The following ITSN2 variants were observed in gnomAD, a reference collection of about 807,000 sequenced individuals.
ITSN2 encodes the protein intersectin-2.
A neutral mutation model predicts 243.7 loss-of-function variants in ITSN2; 156 were observed. The ratio of observed to expected loss-of-function variants is 0.64; its 90% CI spans 0.56 to 0.73. The LOEUF (loss-of-function observed/expected upper bound fraction) is 0.73, where lower values mean the gene tolerates loss of function less well. Among genes scored for constraint, ITSN2 ranks in the 30% least tolerant of loss-of-function variants. ITSN2 has a pLI of 0.00. For synonymous variants in ITSN2, 703 were observed against 699.9 expected (o/e 1.00, Z -0.07); for missense variants, 1,801 against 1,996.1 (o/e 0.90, Z 1.86).
intron 1 of ITSN2, among the ~76,000 whole-genome samples, chr2:24,334,314 T>G (rs1160944891): frequency 6.6e-6 from 1 of 152,082 alleles, no homozygotes; most frequent in Admixed American, 6.6e-5. Flanking sequence ...CCGCCTCGGC[T>G]TCCCAAAGTG....
Position 24,203,458 on chromosome 2 carries a change from T to C in ITSN2, c.*168A>G, listed in dbSNP as rs1260593916. 3.1e-6 allele frequency: 2 copies of C among 636,434 alleles called. No individual in the cohort carries two copies. Among genetic ancestry groups the C allele is most frequent in the Admixed American group, 3.0e-5 (1 of 33,788 alleles). The allele number at this position is 636,434 out of a possible 1,614,324, so 39.4% of individuals were successfully genotyped here. A position where few individuals can be genotyped will look rare whatever the true frequency, so the allele number is the denominator to read the frequency against. ...TTGGTTTCTTTATGGGAAAGGTGTT[T>C]GCATAGATTGCTAGCTATTTAGTGT... is the stretch of plus-strand genomic sequence containing the variant. On this transcript the variant is annotated 3_prime_UTR_variant, in exon 40 of 40. Coordinates refer to ENST00000355123, the MANE Select transcript of ITSN2 (RefSeq NM_006277.3).
At chr2:24,296,221 T>C (rs1001814992) in intron 13 of ITSN2, among the ~76,000 whole-genome samples, 2 of 152,244 alleles carry the variant, frequency 1.3e-5, no homozygotes, top group African/African-American at 4.8e-5. Flanking sequence ...TAATTTCCTC[T>C]AATTAAAACA....
Position 24,312,217 on chromosome 2 carries a change from C to G in ITSN2, c.347G>C (p.Arg116Pro). Residue 116 changes from arginine (R) to proline (P), a missense_variant, in exon 5 of 40, where the codon CGT becomes CCT. Arg to Pro is a moderately radical substitution (Grantham distance 103). This residue lies in a region of ITSN2 where 787 missense variants were observed against 803.9 expected (regional missense o/e 0.98). Coordinates refer to ENST00000355123, the MANE Select transcript of ITSN2 (RefSeq NM_006277.3). ...PPMFSPLISA[R>P]FGMGSMPNLS... is the part of the protein sequence containing the mutation. ...TTAAATTAATACATACTTACCAAAA[C>G]GAGCAGAAATTAATGGAGAAAACAT... is the stretch of plus-strand genomic sequence containing the variant. 1 of 1,603,146 alleles carries G rather than the reference C, an allele frequency of 6.2e-7. No individual in the cohort carries two copies. The highest frequency in any genetic ancestry group is 1.1e-5 in the South Asian group (1 of 88,968).
intron 4 of ITSN2, 148 bp from the exon 5 acceptor site, chr2:24,312,523 A>G (rs1158123911): frequency 1.3e-5 from 6 of 477,348 alleles, no homozygotes; most frequent in Non-Finnish European, 2.2e-5. Context: ...TGTAAAATAT[A>G]TAATAACAAA....
chr2:24,361,256 A>G (rs1260280250), upstream of ITSN2, among the ~76,000 whole-genome samples: 1 of 152,176 alleles, frequency 6.6e-6, no homozygotes, highest in Non-Finnish European at 1.5e-5. Context: ...GGACAGGCGA[A>G]GCTCCTACTC....
At chr2:24,232,534 G>A (rs1003454353) in intron 29 of ITSN2, among the ~76,000 whole-genome samples, 11 of 152,272 alleles carry the variant, frequency 7.2e-5, no homozygotes, top group East Asian at 5.8e-4. Context: ...GTTAATGTGA[G>A]ATGCAGGATA....
chr2:24,204,426 A>AAAAC lies in ITSN2; in HGVS notation c.4763-12_4763-9dup, dbSNP rs752346715. 2 of 1,613,926 alleles carry AAAAC rather than the reference A, an allele frequency of 1.2e-6. No homozygotes were observed. Among genetic ancestry groups the AAAAC allele is most frequent in the African/African-American group, 2.7e-5 (2 of 74,918 alleles). On this transcript the variant is annotated splice_polypyrimidine_tract_variant and intron_variant, in intron 38 of 39. Coordinates refer to ENST00000355123, the MANE Select transcript of ITSN2 (RefSeq NM_006277.3). This position sits in a 1 kb window ranked among gnomAD's most constrained non-coding sequence, Gnocchi z 5.1. ...AGTATGGGTTGCTCTTTCCTGAACA[A>AAAAC]AAACAAACCACAGACACATGTGGTG...
At chr2:24,309,975 C>A (rs1224121931) in intron 7 of ITSN2, among the ~76,000 whole-genome samples, 1 of 152,036 alleles carries the variant, frequency 6.6e-6, no homozygotes. Flanking sequence ...GAGTATGAGA[C>A]ATCTTGGGAA....
At chr2:24,322,929 G>C (rs1684752428) in intron 2 of ITSN2, among the ~76,000 whole-genome samples, 1 of 151,578 alleles carries the variant, frequency 6.6e-6, no homozygotes, top group Non-Finnish European at 1.5e-5. Flanking sequence ...ACACATCAAA[G>C]ATATACAGAT....
chr2:24,239,084 T>C (rs1328425157), intron 29 of ITSN2: 3 of 152,488 alleles, frequency 2.0e-5, no homozygotes, highest in African/African-American at 7.2e-5. Context: ...AAAATAAAAT[T>C]TTAAGGCAAA....
chr2:24,301,624 C>T (rs1681752412), intron 10 of ITSN2, among the ~76,000 whole-genome samples: 1 of 151,444 alleles, frequency 6.6e-6, no homozygotes, highest in African/African-American at 2.4e-5. Flanking sequence ...CTTCTATGCT[C>T]CAGTGATCCT....
Position 24,286,322 on chromosome 2 carries a change from A to G in ITSN2, c.1753T>C (p.Ser585Pro), listed in dbSNP as rs1558554933. Reference protein sequence around the residue: ...DSGVSLLHKKSLEKEELCQRL... With the variant: ...DSGVSLLHKKPLEKEELCQRL... ...TGGCATAATTCTTCCTTTTCTAATGATTTTTTATGAAGTAAACTGACCCCT... is the reference window on the plus strand; with the variant it reads ...TGGCATAATTCTTCCTTTTCTAATGGTTTTTTATGAAGTAAACTGACCCCT... Residue 585 changes from serine (S) to proline (P), a missense_variant, in exon 16 of 40, where the codon TCA (serine) becomes CCA (proline). Physicochemically the swap from Ser to Pro is moderately conservative, Grantham distance 74 (BLOSUM62 -1). This residue lies in a region of ITSN2 where 787 missense variants were observed against 803.9 expected (regional missense o/e 0.98). Transcript: ENST00000355123. The G allele has an allele frequency of 3.1e-6, 5 of 1,611,464 alleles. No homozygotes were observed. In the Admixed American group the frequency reaches 8.4e-5, roughly 27 times the overall value.
At chr2:24,260,103 T>C (rs1675616348) in intron 22 of ITSN2, among the ~76,000 whole-genome samples, 1 of 152,170 alleles carries the variant, frequency 6.6e-6, no homozygotes, top group South Asian at 2.1e-4. Flanking sequence ...AAATTTTTTG[T>C]AGAGATGAGG....
intron 22 of ITSN2, among the ~76,000 whole-genome samples, chr2:24,258,743 A>G (rs371926442): frequency 8.5e-5 from 13 of 152,052 alleles, no homozygotes; most frequent in Admixed American, 7.2e-4. Flanking sequence ...TTTTTTTCCA[A>G]TTTCACTCCT....
chr2:24,212,968 T>C (rs72795824), intron 32 of ITSN2, among the ~76,000 whole-genome samples: 27,359 of 152,206 alleles, frequency 0.18, 3,113 homozygotes, highest in Non-Finnish European at 0.26. Context: ...TACACTGATA[T>C]GTCGCACTGT....
rs547249517 is a variant in ITSN2, at chr2:24,249,056, C to T, written c.3121-174G>A. Among the ~76,000 whole-genome samples, 28 of 152,264 alleles carry T rather than the reference C, an allele frequency of 1.8e-4. No individual in the cohort carries two copies. Among genetic ancestry groups the T allele is most frequent in the Non-Finnish European group, 3.4e-4 (23 of 68,020 alleles). ...TAACAAATAAGTGAAAAATCCAACA[C>T]TTATGAGGAGATCTGGTCTGCTAAT... On this transcript the variant is annotated intron_variant, in intron 25 of 39. Coordinates refer to ENST00000355123, the MANE Select transcript of ITSN2 (RefSeq NM_006277.3). This position sits in a 1 kb window ranked among gnomAD's most constrained non-coding sequence, Gnocchi z 4.4.
chr2:24,206,595 A>G (rs1278439419), intron 37 of ITSN2, among the ~76,000 whole-genome samples: 1 of 152,004 alleles, frequency 6.6e-6, no homozygotes, highest in African/African-American at 2.4e-5. Context: ...GTGCTTTACA[A>G]AGACCATTGC....
At chr2:24,310,139 T>A (rs183248352) in intron 7 of ITSN2, 145 bp downstream of exon 7, 1 of 528,516 alleles carries the variant, frequency 1.9e-6, no homozygotes, top group Non-Finnish European at 3.4e-6. Flanking sequence ...TTATGTGAGT[T>A]GTAAGTAGTA....
chr2:24,254,753 A>G (rs1407632247), intron 23 of ITSN2, among the ~76,000 whole-genome samples: 1 of 152,222 alleles, frequency 6.6e-6, no homozygotes, highest in Non-Finnish European at 1.5e-5. Flanking sequence ...AAGCACATAT[A>G]GGGCTTAGTT....
Sources: gnomAD v4.1 joint callset for allele counts (sites outside exome capture counted in the v4.1 genomes callset) on GRCh38, gnomAD v4.1.1 for gene constraint, gnomAD v4.1.1 regional missense constraint, Gnocchi (gnomAD v3.1) non-coding constraint, MANE v1.5 for transcripts, NCBI Gene and HGNC (gene_info 2026-07-23, HGNC 2026-07-21) for gene names.